The following CDIN1 variants were observed in gnomAD, a reference collection of about 807,000 sequenced individuals.
CDIN1 encodes CDAN1-interacting nuclease 1.
A neutral mutation model predicts 45.3 loss-of-function variants in CDIN1; 33 were observed. The observed-to-expected ratio is 0.73, with a 90% CI of 0.55 to 0.97. The LOEUF is 0.97. Ranked by LOEUF, CDIN1 falls within the 50% of genes least tolerant of loss-of-function variation. The pLI is 0.00. For synonymous variants in CDIN1, 118 were observed against 124.4 expected (o/e 0.95, Z 0.34); for missense variants, 303 against 339.4 (o/e 0.89, Z 0.84).
At chr15:36,620,855 C>A (rs2078187606) in intron 1 of CDIN1, among the ~76,000 whole-genome samples, 1 of 152,026 alleles carries the variant, frequency 6.6e-6, no homozygotes, top group African/African-American at 2.4e-5. Context: ...TCCTTTCCTC[C>A]TCTTCTTCCC....
intron 3 of CDIN1, among the ~76,000 whole-genome samples, chr15:36,650,553 G>A (rs886472610): frequency 6.6e-6 from 1 of 151,592 alleles, no homozygotes; most frequent in African/African-American, 2.4e-5. Flanking sequence ...AGAGATTTTT[G>A]TGCCTCAGCC....
intron 9 of CDIN1, 106 bp from the exon 10 acceptor site, chr15:36,709,750 C>CTAA: frequency 2.5e-6 from 2 of 789,536 alleles, no homozygotes; most frequent in Non-Finnish European, 4.4e-6. Flanking sequence ...ATGGTAAGGG[C>CTAA]TAAGCCTGTG....
At chr15:36,763,429 A>G (rs1190059888) in intron 10 of CDIN1, among the ~76,000 whole-genome samples, 1 of 152,118 alleles carries the variant, frequency 6.6e-6, no homozygotes, top group Non-Finnish European at 1.5e-5. Flanking sequence ...GGCTTCATAA[A>G]ACAGGACTTT....
intron 5 of CDIN1, among the ~76,000 whole-genome samples, chr15:36,669,832 A>G (rs973179481): frequency 6.6e-6 from 1 of 152,112 alleles, no homozygotes; most frequent in Non-Finnish European, 1.5e-5. Context: ...TTATCATTAT[A>G]TCATATCAAG....
At chr15:36,647,988 C>A (rs568836882) in intron 3 of CDIN1, among the ~76,000 whole-genome samples, 3 of 151,934 alleles carry the variant, frequency 2.0e-5, no homozygotes, top group African/African-American at 7.3e-5. Context: ...TACAGGTGCC[C>A]GCCACCACGC....
At chr15:36,587,636 C>G (rs772387447) in intron 1 of CDIN1, among the ~76,000 whole-genome samples, 36 of 152,194 alleles carry the variant, frequency 2.4e-4, no homozygotes, top group Admixed American at 3.9e-4. Flanking sequence ...AACAATCCCT[C>G]CCACCCCCAA....
chr15:36,701,214 T>A (rs2042632993), intron 8 of CDIN1, among the ~76,000 whole-genome samples: 1 of 152,140 alleles, frequency 6.6e-6, no homozygotes, highest in South Asian at 2.1e-4. Flanking sequence ...ACGAACTTGC[T>A]GCCTACTCCT....
intron 10 of CDIN1, among the ~76,000 whole-genome samples, chr15:36,775,590 T>C (rs1408495574): frequency 6.6e-6 from 1 of 152,038 alleles, no homozygotes; most frequent in Non-Finnish European, 1.5e-5. Flanking sequence ...AACTCAAGAG[T>C]CTTGATGTAC....
intron 1 of CDIN1, among the ~76,000 whole-genome samples, chr15:36,628,263 C>T (rs887797493): frequency 2.6e-5 from 4 of 152,072 alleles, no homozygotes; most frequent in South Asian, 2.1e-4. Flanking sequence ...TGCCTTCTGT[C>T]GCTCTATTTT....
intron 1 of CDIN1, among the ~76,000 whole-genome samples, chr15:36,591,019 T>C (rs2037545223): frequency 6.6e-6 from 1 of 152,226 alleles, no homozygotes; most frequent in African/African-American, 2.4e-5. Flanking sequence ...TTGTTTAATC[T>C]AGGAATGTTT....
rs10691719 is a variant in CDIN1, at chr15:36,586,192, G to GT, written c.101+6247dup. 7.8e-3 allele frequency among the ~76,000 whole-genome samples: 1,089 copies of GT among 140,194 alleles called. 9 individuals carry two copies. Among genetic ancestry groups the GT allele is most frequent in the African/African-American group, 0.022 (828 of 38,332 alleles). 92.0% of individuals were successfully genotyped at this position (140,194 alleles called of 152,430 possible). The stretch of plus-strand genomic sequence containing the variant: ...TTGCTTGGTGTGGGTTTACCTTTGA[G>GT]TTTTTTTTTTTTTTTTAACTATTAC... On this transcript the variant is annotated intron_variant, in intron 1 of 10. Coordinates refer to ENST00000566621, the MANE Select transcript of CDIN1 (RefSeq NM_001321759.2).
At chr15:36,756,518 G>A (rs1937847354) in intron 10 of CDIN1, among the ~76,000 whole-genome samples, 1 of 152,124 alleles carries the variant, frequency 6.6e-6, no homozygotes, top group South Asian at 2.1e-4. Context: ...GTTTCCTTGT[G>A]GTGATGAGCT....
intron 1 of CDIN1, among the ~76,000 whole-genome samples, chr15:36,584,420 A>G (rs2037194981): frequency 6.6e-6 from 1 of 152,240 alleles, no homozygotes; most frequent in Admixed American, 6.5e-5. Flanking sequence ...GAGCCACAAC[A>G]GTTAGACTCT....
intron 10 of CDIN1, among the ~76,000 whole-genome samples, chr15:36,714,363 C>T (rs921323892): frequency 5.9e-5 from 9 of 152,094 alleles, no homozygotes; most frequent in African/African-American, 2.2e-4. Flanking sequence ...ACAGTTCTCT[C>T]ATTTGAAATT....
chr15:36,701,972 T>C lies in CDIN1; in HGVS notation c.544+4582T>C, dbSNP rs1278468961. 3 of 695,970 alleles carry C rather than the reference T, an allele frequency of 4.3e-6. No individual in the cohort carries two copies. In the African/African-American group the frequency reaches 5.2e-5, roughly 12 times the overall value. 43.1% of individuals were successfully genotyped at this position (695,970 alleles called of 1,614,324 possible). ...CTCACCTGAAGCAATAATACTCTGC[T>C]GGGGAGGTGATTATGATGTGACAAA... On this transcript the variant is annotated intron_variant, in intron 8 of 10. Coordinates refer to ENST00000566621, the MANE Select transcript of CDIN1 (RefSeq NM_001321759.2).
At chr15:36,760,539 G>T (rs1040865745) in intron 10 of CDIN1, among the ~76,000 whole-genome samples, 2 of 152,132 alleles carry the variant, frequency 1.3e-5, no homozygotes. Context: ...CATCTCTAAA[G>T]TTATTTTAGA....
chr15:36,778,205 A>C (rs2054267582), intron 10 of CDIN1, among the ~76,000 whole-genome samples: 1 of 152,128 alleles, frequency 6.6e-6, no homozygotes, highest in African/African-American at 2.4e-5. Context: ...CACTGCTGTT[A>C]GGAAGTCCTG....
intron 1 of CDIN1, chr15:36,641,776 A>C (rs2040119774): frequency 6.6e-6 from 1 of 151,620 alleles, no homozygotes. Context: ...TTCTAAATCA[A>C]CTCCCGTCCA....
intron 10 of CDIN1, among the ~76,000 whole-genome samples, chr15:36,783,819 A>G (rs2054416946): frequency 6.6e-6 from 1 of 152,246 alleles, no homozygotes. Flanking sequence ...ATGGTGGCAC[A>G]GACACCTGTA....
Sources: allele counts gnomAD v4.1 joint callset (sites outside exome capture counted in the v4.1 genomes callset), GRCh38; gene constraint gnomAD v4.1.1; transcripts MANE v1.5; gene names NCBI Gene and HGNC (gene_info 2026-07-23, HGNC 2026-07-21).